CCNYL1: variants seen among roughly 807,000 people sequenced by gnomAD.
The protein encoded by CCNYL1 is cyclin Y like 1.
In CCNYL1, 16 loss-of-function variants were observed where a neutral mutation model predicts 44.2. The ratio of observed to expected loss-of-function variants is 0.36; its 90% CI spans 0.25 to 0.55. The LOEUF is 0.55. Among genes scored for constraint, CCNYL1 ranks in the 20% least tolerant of loss-of-function variants. The pLI, the probability that CCNYL1 is intolerant of heterozygous loss-of-function variation, is 0.85. For missense variants in CCNYL1, 348 were observed against 451.8 expected, an observed-to-expected ratio of 0.77 and a Z score of 2.08; for synonymous variants, 159 against 163.2, an observed-to-expected ratio of 0.97 and a Z score of 0.20.
chr2:207,711,883 A>G lies in CCNYL1; in HGVS notation c.-14A>G. The G allele has an allele frequency of 7.3e-7, 1 of 1,369,740 alleles. No individual in the cohort carries two copies. The highest frequency in any genetic ancestry group is 9.5e-7 in the Non-Finnish European group (1 of 1,057,098). The allele number at this position is 1,369,740 out of a possible 1,614,324, so 84.8% of individuals were successfully genotyped here. On this transcript the variant is annotated 5_prime_UTR_variant, in exon 1 of 10. Transcript: ENST00000295414. ...GCGAGCGAAGGCGGTGGCAGAGAGG[A>G]GCGGAGGCTTCCCATGGGGAACACG... is the stretch of plus-strand genomic sequence containing the variant.
chr2:207,727,952 TTC>T (rs531831288), intron 3 of CCNYL1, among the ~76,000 whole-genome samples: 5 of 151,748 alleles, frequency 3.3e-5, no homozygotes, highest in Admixed American at 1.3e-4. Flanking sequence ...CCCTATTTCT[TTC>T]TCTCTCTCTC....
intron 9 of CCNYL1, among the ~76,000 whole-genome samples, chr2:207,752,353 C>T (rs1168127135): frequency 6.6e-6 from 1 of 151,724 alleles, no homozygotes; most frequent in Non-Finnish European, 1.5e-5. Flanking sequence ...ACCAGCCTTA[C>T]CAACACAGAG....
Position 207,737,455 on chromosome 2 carries a change from CT to C in CCNYL1, c.467+12del. ...TACCACATAAAGAACAGGTGAGCTC[CT>C]TTAAAACCTGTCTTGTTATTCCAGC... On this transcript the variant is annotated intron_variant, in intron 5 of 9. Transcript: ENST00000295414. The C allele has an allele frequency of 6.2e-7, 1 of 1,607,090 alleles. No individual in the cohort carries two copies. The highest frequency in any genetic ancestry group is 1.7e-5 in the Admixed American group (1 of 59,748).
chr2:207,719,734 T>C (rs1181817646), intron 1 of CCNYL1, among the ~76,000 whole-genome samples: 1 of 152,124 alleles, frequency 6.6e-6, no homozygotes, highest in African/African-American at 2.4e-5. Context: ...GTTTTTTAAT[T>C]TGTTTTTTGT....
chr2:207,725,679 G>T (rs756630848), intron 2 of CCNYL1, among the ~76,000 whole-genome samples: 1 of 152,156 alleles, frequency 6.6e-6, no homozygotes, highest in Non-Finnish European at 1.5e-5. Flanking sequence ...CCATCCTAAT[G>T]TAGTGTAAAT....
chr2:207,737,455 C>T lies in CCNYL1; in HGVS notation c.467+9C>T, dbSNP rs779962700. The T allele has an allele frequency of 1.2e-6, 2 of 1,607,090 alleles. No homozygotes were observed. The highest frequency in any genetic ancestry group is 4.5e-5 in the East Asian group (2 of 44,812). On this transcript the variant is annotated intron_variant, in intron 5 of 9. Coordinates refer to ENST00000295414, the MANE Select transcript of CCNYL1 (RefSeq NM_001330218.2). ...TACCACATAAAGAACAGGTGAGCTC[C>T]TTTAAAACCTGTCTTGTTATTCCAG... is the stretch of plus-strand genomic sequence containing the variant.
At position 207,753,578 on chromosome 2, in the gene CCNYL1, A is replaced by T. The variant is rs1575227287; in HGVS notation, c.970-10A>T. The T allele has an allele frequency of 1.3e-6, 2 of 1,577,882 alleles. No homozygotes were observed. Among genetic ancestry groups the T allele is most frequent in the Non-Finnish European group, 8.7e-7 (1 of 1,151,412 alleles). ...ATTGTACCTGTTTTCTATTTGATTG[A>T]CTTTCCTAGGCTATTTCTAGATTGT... On this transcript the variant is annotated splice_polypyrimidine_tract_variant and intron_variant, in intron 9 of 9. Transcript: ENST00000295414.
rs1276449921 is a variant in CCNYL1, at chr2:207,711,721, C to T, written c.-176C>T. 5 of 222,508 alleles carry T rather than the reference C, an allele frequency of 2.2e-5. No homozygotes were observed. The highest frequency in any genetic ancestry group is 4.2e-5 in the Non-Finnish European group (5 of 118,138). 13.8% of individuals were successfully genotyped at this position (222,508 alleles called of 1,614,324 possible). Reference sequence around the variant, plus strand: ...GGCCCGAGCCCTGCCCGGGGCCGGGCCGCGGGGCGGGCGGGCGAACCGCGG... The same window carrying T: ...GGCCCGAGCCCTGCCCGGGGCCGGGTCGCGGGGCGGGCGGGCGAACCGCGG... On this transcript the variant is annotated 5_prime_UTR_variant, in exon 1 of 10. Transcript: ENST00000295414.
chr2:207,717,090 C>T (rs906106858), intron 1 of CCNYL1, among the ~76,000 whole-genome samples: 3 of 143,378 alleles, frequency 2.1e-5, no homozygotes, highest in East Asian at 2.0e-4. Flanking sequence ...GCCTGGGTGA[C>T]GGAGCGAGAC....
chr2:207,731,667 A>C (rs547040542), intron 3 of CCNYL1, among the ~76,000 whole-genome samples: 12 of 152,120 alleles, frequency 7.9e-5, no homozygotes, highest in African/African-American at 2.9e-4. Flanking sequence ...TGCCAGCTAT[A>C]ATTGCTTTGC....
At chr2:207,748,984 T>C (rs2091874030) in intron 8 of CCNYL1, among the ~76,000 whole-genome samples, 1 of 152,254 alleles carries the variant, frequency 6.6e-6, no homozygotes, top group Admixed American at 6.5e-5. Flanking sequence ...TTTATTATTA[T>C]GAACACTTAG....
At chr2:207,740,382 A>G (rs1049432865) in intron 5 of CCNYL1, among the ~76,000 whole-genome samples, 1 of 152,172 alleles carries the variant, frequency 6.6e-6, no homozygotes, top group Admixed American at 6.6e-5. Context: ...CTTTATTACC[A>G]TTGCCTGTTA....
At chr2:207,731,015 G>T (rs1483910379) in intron 3 of CCNYL1, among the ~76,000 whole-genome samples, 1 of 152,010 alleles carries the variant, frequency 6.6e-6, no homozygotes, top group African/African-American at 2.4e-5. Flanking sequence ...ACATTTTTTA[G>T]TTATAATAAG....
At chr2:207,729,321 T>TAGACTAACTAGA (rs1466678789) in intron 3 of CCNYL1, among the ~76,000 whole-genome samples, 1 of 135,600 alleles carries the variant, frequency 7.4e-6, no homozygotes, top group East Asian at 2.5e-4. Context: ...TCTTTTGTTC[T>TAGACTAACTAGA]ACTTCTTGGG....
chr2:207,755,715 A>ATACT lies in CCNYL1; in HGVS notation c.*2021_*2024dup, dbSNP rs760748174. ...CCCATTAAGTCCTGCTATTTAAGAA[A>ATACT]TACTTACATAACCCTTAGGAACTCT... is the stretch of plus-strand genomic sequence containing the variant. On this transcript the variant is annotated 3_prime_UTR_variant, in exon 10 of 10. Transcript: ENST00000295414. The ATACT allele has an allele frequency of 1.3e-5, 2 of 152,228 alleles. No individual in the cohort carries two copies. Among genetic ancestry groups the ATACT allele is most frequent in the African/African-American group, 4.8e-5 (2 of 41,472 alleles). The allele number at this position is 152,228 out of a possible 1,614,324, so 9.4% of individuals were successfully genotyped here. A position where few individuals can be genotyped will look rare whatever the true frequency, so the allele number is the denominator to read the frequency against.
At chr2:207,728,071 C>T (rs1575213306) in intron 3 of CCNYL1, among the ~76,000 whole-genome samples, 3 of 151,628 alleles carry the variant, frequency 2.0e-5, no homozygotes, top group Non-Finnish European at 4.4e-5. Flanking sequence ...TCAAGCGATT[C>T]TCCTGTGTCA....
At chr2:207,732,402 G>A (rs959228104) in intron 3 of CCNYL1, among the ~76,000 whole-genome samples, 1 of 152,130 alleles carries the variant, frequency 6.6e-6, no homozygotes, top group Non-Finnish European at 1.5e-5. Flanking sequence ...GAAACAAAAT[G>A]CTGTTACACT....
At chr2:207,743,478 G>C (rs1331033806) in intron 7 of CCNYL1, among the ~76,000 whole-genome samples, 1 of 152,192 alleles carries the variant, frequency 6.6e-6, no homozygotes, top group East Asian at 1.9e-4. Flanking sequence ...AGCTAGGCAT[G>C]GTAGTGCACA....
chr2:207,750,044 C>T (rs2091880522), intron 8 of CCNYL1, among the ~76,000 whole-genome samples: 1 of 152,134 alleles, frequency 6.6e-6, no homozygotes, highest in Non-Finnish European at 1.5e-5. Flanking sequence ...GTCATGTAGC[C>T]GACTACTACT....
Sources: allele counts gnomAD v4.1 joint callset (sites outside exome capture counted in the v4.1 genomes callset), GRCh38; gene constraint gnomAD v4.1.1; transcripts MANE v1.5; gene names NCBI Gene and HGNC (gene_info 2026-07-23, HGNC 2026-07-21).